Variants in TMEM220 observed in about 807,000 individuals in gnomAD.
TMEM220 encodes the protein transmembrane protein 220.
Under a neutral mutation model 21.7 loss-of-function variants are expected in TMEM220, and 21 were observed. The observed-to-expected ratio is 0.97, with a 90% CI of 0.69 to 1.39. TMEM220 has a LOEUF of 1.39. Among genes scored for constraint, TMEM220 ranks in the 40% most tolerant of loss-of-function variants. The probability of loss-of-function intolerance (pLI) is 0.00; values close to 1 mark genes in which losing one functional copy is unlikely to be tolerated. For missense variants in TMEM220, 191 were observed against 201.9 expected (o/e 0.95, Z 0.33); for synonymous variants, 80 against 73.6 (o/e 1.09, Z -0.45).
Position 10,729,875 on chromosome 17 carries a change from C to T in TMEM220, c.-24G>A, listed in dbSNP as rs367872869. The T allele has an allele frequency of 2.2e-5, 29 of 1,289,802 alleles. No homozygotes were observed. In the African/African-American group the frequency reaches 3.3e-4, roughly 15 times the overall value. 79.9% of individuals were successfully genotyped at this position (1,289,802 alleles called of 1,614,324 possible). A position where few individuals can be genotyped will look rare whatever the true frequency, so the allele number is the denominator to read the frequency against. On this transcript the variant is annotated 5_prime_UTR_variant, in exon 1 of 6. Coordinates refer to ENST00000341871, the MANE Select transcript of TMEM220 (RefSeq NM_001004313.3). ...ATGGCTCGGAGAACACGGCGCGGGG[C>T]GGTGAGTCCTGCCACGTGCGGGGCG... is the stretch of plus-strand genomic sequence containing the variant.
intron 5 of TMEM220, 24 bp from the exon 6 acceptor site, chr17:10,715,612 T>C (rs2074907148): frequency 6.5e-7 from 1 of 1,535,386 alleles, no homozygotes. Context: ...AAAATTATTA[T>C]AAATAAAAAT....
intron 5 of TMEM220, among the ~76,000 whole-genome samples, chr17:10,722,202 C>G (rs984267734): frequency 1.3e-5 from 2 of 152,086 alleles, no homozygotes; most frequent in African/African-American, 4.8e-5. Flanking sequence ...GCCATGTTGG[C>G]CAGGCTGGTC....
At chr17:10,711,276 A>G (rs759991903), downstream of TMEM220, 103 of 732,398 alleles carry the variant, frequency 1.4e-4, no homozygotes, top group Non-Finnish European at 2.1e-4. Context: ...TCAGTGTGTG[A>G]TGGTTGATAA....
chr17:10,728,314 C>CTTTTTTTTTTTTTTT (rs202039505), intron 2 of TMEM220, among the ~76,000 whole-genome samples: 1 of 130,682 alleles, frequency 7.7e-6, no homozygotes, highest in African/African-American at 2.9e-5. Context: ...TTTTTCTTTG[C>CTTTTTTTTTTTTTTT]TTTTTTTTTT....
intron 2 of TMEM220, 30 bp from the exon 3 acceptor site, chr17:10,726,294 A>T: frequency 6.4e-7 from 1 of 1,558,962 alleles, no homozygotes. Flanking sequence ...AAATTACATG[A>T]GTTAAGATGT....
intron 5 of TMEM220, among the ~76,000 whole-genome samples, chr17:10,716,680 T>A (rs150255589): frequency 1.5e-3 from 236 of 152,340 alleles, no homozygotes; most frequent in African/African-American, 5.4e-3. Context: ...CAAATGGACA[T>A]TGAATTTATC....
chr17:10,715,644 G>T, intron 5 of TMEM220, 56 bp from the exon 6 acceptor site: 1 of 1,361,030 alleles, frequency 7.3e-7, no homozygotes, highest in Non-Finnish European at 9.9e-7. Context: ...TTGGAAACAA[G>T]TATAAAGACT....
At position 10,729,853 on chromosome 17, in the gene TMEM220, G is replaced by A. The variant is rs777867325; in HGVS notation, c.-2C>T. The A allele has an allele frequency of 1.5e-6, 2 of 1,344,456 alleles. No individual in the cohort carries two copies. The highest frequency in any genetic ancestry group is 3.2e-5 in the Admixed American group (1 of 31,314). The allele number at this position is 1,344,456 out of a possible 1,614,324, so 83.3% of individuals were successfully genotyped here. A position where few individuals can be genotyped will look rare whatever the true frequency, so the allele number is the denominator to read the frequency against. ...GGCCCGCCACAGCGCTGGCGCCATG[G>A]CTCGGAGAACACGGCGCGGGGCGGT... On this transcript the variant is annotated 5_prime_UTR_variant, in exon 1 of 6. Transcript: ENST00000341871.
At chr17:10,725,207 T>G (rs2075036210) in intron 3 of TMEM220, 73 bp from the exon 4 acceptor site, 1 of 1,584,524 alleles carries the variant, frequency 6.3e-7, no homozygotes, top group African/African-American at 1.4e-5. Context: ...TCTTTTTGTA[T>G]GTTTTGCCAT....
At chr17:10,720,243 T>C (rs1420359267) in intron 5 of TMEM220, among the ~76,000 whole-genome samples, 1 of 152,222 alleles carries the variant, frequency 6.6e-6, no homozygotes, top group Admixed American at 6.5e-5. Context: ...TAAAAATATG[T>C]TAGATATATG....
Position 10,725,094 on chromosome 17 carries a change from G to C in TMEM220, c.204C>G (p.Leu68=), listed in dbSNP as rs752364522. 5 of 1,614,090 alleles carry C rather than the reference G, an allele frequency of 3.1e-6. No homozygotes were observed. The Admixed American group carries it at 8.3e-5, about 27-fold the overall frequency. Residue 68 remains leucine (L), a synonymous_variant, in exon 4 of 6, where the codon CTC becomes CTG. Coordinates refer to ENST00000341871, the MANE Select transcript of TMEM220 (RefSeq NM_001004313.3). ...AGCCAACAGCCCACACCGTACAAAA[G>C]AGTATGTGTATTGCAGAGATACTTT... ...IWKSISAIHI[L]FCTVWAVGLA...
Position 10,714,672 on chromosome 17 carries a change from C to G in TMEM220, c.*781G>C, listed in dbSNP as rs1039654095. On this transcript the variant is annotated 3_prime_UTR_variant, in exon 6 of 6. Transcript: ENST00000341871. ...GTGGCTCACACCTGTAATCCCAGCA[C>G]TTTGGGAGGCCAAGGTGGACAGATC... is the stretch of plus-strand genomic sequence containing the variant. The G allele has an allele frequency of 1.3e-5, 2 of 152,472 alleles. No individual in the cohort carries two copies. Among genetic ancestry groups the G allele is most frequent in the Non-Finnish European group, 2.9e-5 (2 of 68,308 alleles). 9.4% of individuals were successfully genotyped at this position (152,472 alleles called of 1,614,324 possible). A position where few individuals can be genotyped will look rare whatever the true frequency, so the allele number is the denominator to read the frequency against.
chr17:10,728,358 G>C (rs908234919), intron 2 of TMEM220, among the ~76,000 whole-genome samples: 9 of 148,014 alleles, frequency 6.1e-5, no homozygotes, highest in Non-Finnish European at 1.0e-4. Flanking sequence ...GCCCAGACTG[G>C]AGTGCAGTGG....
At chr17:10,716,249 C>G in intron 5 of TMEM220, 2 of 798,760 alleles carry the variant, frequency 2.5e-6, no homozygotes, top group Non-Finnish European at 4.3e-6. Context: ...ATAATGATTT[C>G]AAGCTCCTGC....
At chr17:10,718,790 AATAAC>A (rs1488611616) in intron 5 of TMEM220, among the ~76,000 whole-genome samples, 2 of 152,212 alleles carry the variant, frequency 1.3e-5, no homozygotes, top group Non-Finnish European at 2.9e-5. Context: ...ACCGTGGTCA[AATAAC>A]ATACTCTGTA....
intron 5 of TMEM220, among the ~76,000 whole-genome samples, chr17:10,722,116 C>A (rs1269750554): frequency 6.6e-6 from 1 of 152,018 alleles, no homozygotes; most frequent in African/African-American, 2.4e-5. Flanking sequence ...CCTCAGCCTC[C>A]CAAGTAGCTG....
intron 5 of TMEM220, among the ~76,000 whole-genome samples, chr17:10,717,709 G>A (rs536382114): frequency 2.6e-5 from 4 of 152,238 alleles, no homozygotes; most frequent in African/African-American, 7.2e-5. Context: ...TTCTCTGGAA[G>A]TATTTATTGA....
Position 10,714,625 on chromosome 17 carries a change from G to A in TMEM220, c.*828C>T, listed in dbSNP as rs2074886946. ...ACTATGCCAGCTCTGGATAAGATTA[G>A]TTTAGGGCTGGACTGGGCATGGTGG... On this transcript the variant is annotated 3_prime_UTR_variant, in exon 6 of 6. Transcript: ENST00000341871. The A allele has an allele frequency of 6.6e-6, 1 of 152,250 alleles. No individual in the cohort carries two copies. Among genetic ancestry groups the A allele is most frequent in the Non-Finnish European group, 1.5e-5 (1 of 68,164 alleles). 9.4% of individuals were successfully genotyped at this position (152,250 alleles called of 1,614,324 possible). A position where few individuals can be genotyped will look rare whatever the true frequency, so the allele number is the denominator to read the frequency against.
rs201830745 is a variant in TMEM220, at chr17:10,729,809, C to T, written c.43G>A (p.Ala15Thr). 757 of 1,406,836 alleles carry T rather than the reference C, an allele frequency of 5.4e-4. 7 individuals carry two copies. The African/African-American group carries it at 0.01, about 19-fold the overall frequency. 87.1% of individuals were successfully genotyped at this position (1,406,836 alleles called of 1,614,324 possible). ...ACCAAGGCCGCCAGCGCGAAGAAGG[C>T]GGCCATGAGTCCGTTGCAGGCCCGC... ...LWRACNGLMA[A>T]FFALAALVQV... The change falls in exon 1 of 6, where the codon GCC (alanine) becomes ACC (threonine). Residue 15 changes from alanine to threonine, a missense_variant. Ala to Thr is a moderately conservative substitution (Grantham distance 58). Coordinates refer to ENST00000341871, the MANE Select transcript of TMEM220 (RefSeq NM_001004313.3).
Sources: allele counts gnomAD v4.1 joint callset (sites outside exome capture counted in the v4.1 genomes callset), GRCh38; gene constraint gnomAD v4.1.1; transcripts MANE v1.5; gene names NCBI Gene and HGNC (gene_info 2026-07-23, HGNC 2026-07-21).